Variants in FLI1 observed in about 807,000 individuals in gnomAD.
FLI1 encodes the protein Friend leukemia integration 1 transcription factor.
In FLI1, 13 loss-of-function variants were observed where a neutral mutation model predicts 53.1. That is an observed-to-expected ratio of 0.24 (90% CI 0.16 to 0.39). The LOEUF is 0.39. FLI1 is among the 10% of genes least tolerant of loss of function. The pLI is 1.00. For missense variants in FLI1, 424 were observed against 600.5 expected (o/e 0.71, Z 3.07); for synonymous variants, 244 against 236.7 (o/e 1.03, Z -0.28).
upstream of FLI1, among the ~76,000 whole-genome samples, chr11:128,690,419 G>A (rs1937690068): frequency 6.6e-6 from 1 of 152,106 alleles, no homozygotes; most frequent in Non-Finnish European, 1.5e-5. Context: ...TTACCCCAGG[G>A]ACCAGGCTCA....
At chr11:128,691,592 T>A (rs774478396), upstream of FLI1, 42 of 152,310 alleles carry the variant, frequency 2.8e-4, 1 homozygote, top group Admixed American at 1.4e-3. Flanking sequence ...TGCCAGGCTC[T>A]CCACTACCCC....
chr11:128,698,607 AC>A (rs1938186897), intron 1 of FLI1, among the ~76,000 whole-genome samples: 1 of 152,040 alleles, frequency 6.6e-6, no homozygotes, highest in South Asian at 2.1e-4. Flanking sequence ...AGGGCTCTGC[AC>A]CCTTAGGCCA....
intron 5 of FLI1, chr11:128,804,249 T>C (rs1036309746): frequency 6.6e-6 from 1 of 152,230 alleles, no homozygotes; most frequent in African/African-American, 2.4e-5. Flanking sequence ...AAGGGCATGG[T>C]TGTGTTTCAC....
At chr11:128,780,695 G>A (rs1273839967) in intron 4 of FLI1, among the ~76,000 whole-genome samples, 1 of 152,222 alleles carries the variant, frequency 6.6e-6, no homozygotes, top group Non-Finnish European at 1.5e-5. Context: ...GCTGGGTGAG[G>A]CGGCAACTCC....
intron 1 of FLI1, among the ~76,000 whole-genome samples, chr11:128,750,424 G>A (rs1290619885): frequency 6.6e-6 from 1 of 152,194 alleles, no homozygotes; most frequent in Admixed American, 6.5e-5. Flanking sequence ...GAAGAACAGA[G>A]GGAAAGGGTC....
intron 1 of FLI1, among the ~76,000 whole-genome samples, chr11:128,754,337 G>A (rs528028793): frequency 2.6e-5 from 4 of 151,664 alleles, no homozygotes; most frequent in Admixed American, 2.0e-4. Context: ...AGGAGTCATA[G>A]GTCATCATCA....
intron 1 of FLI1, among the ~76,000 whole-genome samples, chr11:128,753,666 A>G (rs1940741626): frequency 6.6e-6 from 1 of 152,284 alleles, no homozygotes. Context: ...TTTATAAGAC[A>G]CACATGAAGT....
intron 7 of FLI1, 66 bp downstream of exon 7, chr11:128,807,305 C>G: frequency 3.5e-6 from 4 of 1,140,792 alleles, no homozygotes; most frequent in South Asian, 1.5e-5. Context: ...ACATGGTCAA[C>G]TGATGGAGGG....
chr11:128,788,276 C>T (rs1453578680), intron 5 of FLI1, among the ~76,000 whole-genome samples: 3 of 151,966 alleles, frequency 2.0e-5, no homozygotes, highest in Admixed American at 6.5e-5. Flanking sequence ...TCAAGACCAG[C>T]TTGGCCAACA....
upstream of FLI1, among the ~76,000 whole-genome samples, chr11:128,691,384 C>G (rs570305673): frequency 1.3e-5 from 2 of 152,324 alleles, no homozygotes; most frequent in South Asian, 4.1e-4. Context: ...GGCATGCCAA[C>G]ACTGGATGGA....
chr11:128,710,189 A>G (rs1458078000), intron 1 of FLI1, among the ~76,000 whole-genome samples: 1 of 152,214 alleles, frequency 6.6e-6, no homozygotes, highest in Non-Finnish European at 1.5e-5. Flanking sequence ...TGTGACCAGA[A>G]GTGAAGGGAA....
intron 1 of FLI1, among the ~76,000 whole-genome samples, chr11:128,749,898 C>T (rs1687499109): frequency 6.6e-6 from 1 of 152,210 alleles, no homozygotes; most frequent in South Asian, 2.1e-4. Flanking sequence ...TAACAGCGGC[C>T]ACCTGCTCTT....
chr11:128,739,192 T>G (rs1438188985), intron 1 of FLI1, among the ~76,000 whole-genome samples: 3 of 152,160 alleles, frequency 2.0e-5, no homozygotes, highest in Non-Finnish European at 4.4e-5. Context: ...GGGCTTCAGC[T>G]GCAGGTGTGG....
At chr11:128,736,457 T>C (rs1939922326) in intron 1 of FLI1, among the ~76,000 whole-genome samples, 1 of 152,222 alleles carries the variant, frequency 6.6e-6, no homozygotes, top group Admixed American at 6.5e-5. Flanking sequence ...AACTGGTAGC[T>C]TGATATCCTG....
In FLI1 at chr11:128,782,039, T is replaced by G; in HGVS notation, c.655+16T>G. The G allele has an allele frequency of 1.2e-6, 2 of 1,608,570 alleles. No individual in the cohort carries two copies. Among genetic ancestry groups the G allele is most frequent in the Non-Finnish European group, 1.7e-6 (2 of 1,175,002 alleles). On this transcript the variant is annotated intron_variant, in intron 5 of 8. Transcript: ENST00000527786. ...GTCAAAGAAGGTAAGTTTGTTCTTT[T>G]GTGCACTTAAAATTTTCTTCTGTAC...
intron 1 of FLI1, among the ~76,000 whole-genome samples, chr11:128,728,594 C>T (rs1476419815): frequency 1.3e-5 from 2 of 152,254 alleles, no homozygotes; most frequent in African/African-American, 4.8e-5. Context: ...CCTTGGGCAC[C>T]CAGTATGCCC....
intron 1 of FLI1, among the ~76,000 whole-genome samples, chr11:128,746,679 A>C (rs1475510834): frequency 6.6e-6 from 1 of 152,078 alleles, no homozygotes; most frequent in East Asian, 1.9e-4. Flanking sequence ...TCAACCCTGC[A>C]GTGGGTGAAA....
At chr11:128,722,886 A>G (rs951586091) in intron 1 of FLI1, among the ~76,000 whole-genome samples, 1 of 152,120 alleles carries the variant, frequency 6.6e-6, no homozygotes, top group Non-Finnish European at 1.5e-5. Context: ...TCCCTGTTCT[A>G]GCTGTTCAGG....
At chr11:128,776,901 C>T (rs1409703766) in intron 4 of FLI1, among the ~76,000 whole-genome samples, 1 of 152,230 alleles carries the variant, frequency 6.6e-6, no homozygotes, top group Non-Finnish European at 1.5e-5. Context: ...CGGCCTTCCA[C>T]GTGGGCAGCC....
Sources: gnomAD v4.1 joint callset for allele counts (sites outside exome capture counted in the v4.1 genomes callset) on GRCh38, gnomAD v4.1.1 for gene constraint, MANE v1.5 for transcripts, NCBI Gene and HGNC (gene_info 2026-07-23, HGNC 2026-07-21) for gene names.